The following ARHGEF10L variants were observed in gnomAD, a reference collection of about 807,000 sequenced individuals.
ARHGEF10L encodes the protein Rho guanine nucleotide exchange factor 10 like.
Under a neutral mutation model 141.2 loss-of-function variants are expected in ARHGEF10L, and 69 were observed. The observed-to-expected ratio is 0.49, with a 90% CI of 0.40 to 0.60. The LOEUF is 0.60. Among genes scored for constraint, ARHGEF10L ranks in the 20% least tolerant of loss-of-function variants. The probability of loss-of-function intolerance (pLI) is 0.00; values close to 1 mark genes in which losing one functional copy is unlikely to be tolerated. For missense variants in ARHGEF10L, 1,482 were observed against 1,734.3 expected (o/e 0.85, Z 2.58); for synonymous variants, 711 against 718.5 (o/e 0.99, Z 0.17).
Position 17,592,820 on chromosome 1 carries a change from A to G in ARHGEF10L, c.257+4341A>G, listed in dbSNP as rs541741649. Among the ~76,000 whole-genome samples, 623 of 151,480 alleles carry G rather than the reference A, an allele frequency of 4.1e-3. 1 individual carries two copies. The highest frequency in any genetic ancestry group is 6.9e-3 in the Non-Finnish European group (470 of 67,848). ...TTGAGCCTCCTGCGTCCTGTCCCGC[A>G]GGGTCCATGCGGGACGTGAGGCATG... is the stretch of plus-strand genomic sequence containing the variant. On this transcript the variant is annotated intron_variant, in intron 4 of 28. Transcript: ENST00000361221.
intron 1 of ARHGEF10L, among the ~76,000 whole-genome samples, chr1:17,554,638 C>A (rs2100756519): frequency 2.2e-5 from 3 of 138,946 alleles, no homozygotes; most frequent in Middle Eastern, 8.5e-3. Context: ...CAGGCTGGAA[C>A]ACAGTGGCAT....
At chr1:17,676,184 A>G (rs1263657245) in intron 26 of ARHGEF10L, among the ~76,000 whole-genome samples, 680 of 54,212 alleles carry the variant, frequency 0.013, no homozygotes, top group East Asian at 0.014. Context: ...AGGTGTGGGT[A>G]CAGGTGTAGG....
intron 8 of ARHGEF10L, among the ~76,000 whole-genome samples, chr1:17,613,420 G>C (rs1036935199): frequency 6.6e-6 from 1 of 152,148 alleles, no homozygotes; most frequent in Non-Finnish European, 1.5e-5. Flanking sequence ...GTGAAACCCT[G>C]ATAGTCCACA....
intron 1 of ARHGEF10L, among the ~76,000 whole-genome samples, chr1:17,544,446 C>A (rs544546448): frequency 1.7e-4 from 25 of 151,386 alleles, no homozygotes; most frequent in African/African-American, 6.1e-4. Flanking sequence ...AGGCGTGCAC[C>A]ACTACTCCCG....
Position 17,697,134 on chromosome 1 carries a change from C to T in ARHGEF10L, c.3594C>T (p.Gly1198=), listed in dbSNP as rs909838837. Residue 1198 remains glycine (G), a synonymous_variant, in exon 29 of 29, where the codon GGC becomes GGT. Coordinates refer to ENST00000361221, the MANE Select transcript of ARHGEF10L (RefSeq NM_018125.4). This position sits in a 1 kb window ranked among gnomAD's most constrained non-coding sequence, Gnocchi z 4.8. The part of the protein sequence containing the change: ...LSMREPAPAD[G]AALEHSEEDG... Reference sequence around the variant, plus strand: ...TGCGGGAGCCGGCGCCTGCTGATGGCGCAGCTTTGGAGCACAGCGAGGAGG... The same window carrying T: ...TGCGGGAGCCGGCGCCTGCTGATGGTGCAGCTTTGGAGCACAGCGAGGAGG... The T allele has an allele frequency of 8.7e-6, 14 of 1,611,040 alleles. No homozygotes were observed. The highest frequency in any genetic ancestry group is 1.7e-5 in the Admixed American group (1 of 59,900).
intron 15 of ARHGEF10L, among the ~76,000 whole-genome samples, chr1:17,628,378 A>G (rs532316385): frequency 1.3e-5 from 2 of 152,166 alleles, no homozygotes; most frequent in Non-Finnish European, 2.9e-5. Flanking sequence ...ATGAGTCTGT[A>G]GAGGAGCCTG....
chr1:17,646,775 G>A (rs111675590), intron 21 of ARHGEF10L, among the ~76,000 whole-genome samples: 6 of 152,176 alleles, frequency 3.9e-5, no homozygotes, highest in Middle Eastern at 3.4e-3. Context: ...GCAGCGTTCC[G>A]GACAGCGGGA....
At chr1:17,571,644 CTG>C (rs2078005378) in intron 1 of ARHGEF10L, among the ~76,000 whole-genome samples, 1 of 152,118 alleles carries the variant, frequency 6.6e-6, no homozygotes, top group Non-Finnish European at 1.5e-5. Flanking sequence ...AGTGATTCTC[CTG>C]CCTCAGCCTC....
chr1:17,547,415 G>C (rs771477155), intron 1 of ARHGEF10L, among the ~76,000 whole-genome samples: 1 of 152,200 alleles, frequency 6.6e-6, no homozygotes, highest in Non-Finnish European at 1.5e-5. Flanking sequence ...TGGCCCCAGA[G>C]TGCCCTCCTC....
chr1:17,520,223 AG>A, the ARHGEF10L span, among the ~76,000 whole-genome samples: 1 of 152,132 alleles, frequency 6.6e-6, no homozygotes, highest in South Asian at 2.1e-4. Context: ...GTGGACTGCC[AG>A]GGCTGCCTCC....
upstream of ARHGEF10L, among the ~76,000 whole-genome samples, chr1:17,539,562 G>C (rs887038167): frequency 6.6e-6 from 1 of 151,910 alleles, no homozygotes; most frequent in African/African-American, 2.4e-5. The surrounding 1 kb of genome is among the most constrained non-coding windows in gnomAD (Gnocchi z 6.0). Context: ...GCTCGCAGCG[G>C]GTCGGGGGAG....
In ARHGEF10L at chr1:17,619,253, G is replaced by A. The variant is rs1189357144; in HGVS notation, c.836-86G>A. 2.2e-6 allele frequency: 3 copies of A among 1,365,394 alleles called. No individual in the cohort carries two copies. Among genetic ancestry groups the A allele is most frequent in the Admixed American group, 2.0e-5 (1 of 50,844 alleles). The allele number at this position is 1,365,394 out of a possible 1,614,324, so 84.6% of individuals were successfully genotyped here. On this transcript the variant is annotated intron_variant, in intron 9 of 28. Coordinates refer to ENST00000361221, the MANE Select transcript of ARHGEF10L (RefSeq NM_018125.4). This position sits in a 1 kb window ranked among gnomAD's most constrained non-coding sequence, Gnocchi z 5.0. ...ACCCTAGGACCTGGGTCCAAGGCTG[G>A]TCTAGGGGGGCTCTCAGCTCCTGAG...
intron 7 of ARHGEF10L, among the ~76,000 whole-genome samples, chr1:17,610,217 G>A (rs539986716): frequency 5.3e-5 from 8 of 152,314 alleles, no homozygotes; most frequent in African/African-American, 1.9e-4. Context: ...CTCTGATTCA[G>A]GGGTTGGGTG....
At chr1:17,516,793 C>T in the ARHGEF10L span, among the ~76,000 whole-genome samples, 21 of 152,306 alleles carry the variant, frequency 1.4e-4, no homozygotes, top group Admixed American at 3.3e-4. Flanking sequence ...TCCCCGCCAA[C>T]GAAGAGGTCT....
At chr1:17,677,462 G>A (rs887396520) in intron 26 of ARHGEF10L, among the ~76,000 whole-genome samples, 7 of 152,212 alleles carry the variant, frequency 4.6e-5, no homozygotes, top group African/African-American at 1.7e-4. Flanking sequence ...GATCGGTGCC[G>A]CCCCGGCTCT....
At chr1:17,687,165 G>T (rs2064673037) in intron 26 of ARHGEF10L, among the ~76,000 whole-genome samples, 1 of 152,026 alleles carries the variant, frequency 6.6e-6, no homozygotes, top group Non-Finnish European at 1.5e-5. Context: ...ATGATTTTCG[G>T]CTCCATCTTT....
chr1:17,667,626 G>A (rs2063067380), intron 26 of ARHGEF10L, among the ~76,000 whole-genome samples: 1 of 152,234 alleles, frequency 6.6e-6, no homozygotes, highest in African/African-American at 2.4e-5. Context: ...GGTTTCCAAG[G>A]AAGAATCTTT....
intron 28 of ARHGEF10L, 106 bp from the exon 29 acceptor site, chr1:17,696,742 C>A: frequency 5.1e-6 from 6 of 1,175,872 alleles, no homozygotes; most frequent in East Asian, 5.1e-5. Context: ...ACAGAAGTGA[C>A]CCCCCCAAAT....
In ARHGEF10L at chr1:17,639,891, G is replaced by T; in HGVS notation, c.2172-311G>T. 1.4e-6 allele frequency: 2 copies of T among 1,423,532 alleles called. No individual in the cohort carries two copies. Among genetic ancestry groups the T allele is most frequent in the South Asian group, 1.2e-5 (1 of 82,226 alleles). The allele number at this position is 1,423,532 out of a possible 1,614,324, so 88.2% of individuals were successfully genotyped here. On this transcript the variant is annotated intron_variant, in intron 20 of 28. Coordinates refer to ENST00000361221, the MANE Select transcript of ARHGEF10L (RefSeq NM_018125.4). This position sits in a 1 kb window ranked among gnomAD's most constrained non-coding sequence, Gnocchi z 4.3. ...CTGTGGACAGCTGACCGCTGACCAG[G>T]TGGAGTCACAGCCTGCAGAGGCTCT...
Sources: gnomAD v4.1 joint callset for allele counts (sites outside exome capture counted in the v4.1 genomes callset) on GRCh38, gnomAD v4.1.1 for gene constraint, Gnocchi (gnomAD v3.1) non-coding constraint, MANE v1.5 for transcripts, NCBI Gene and HGNC (gene_info 2026-07-23, HGNC 2026-07-21) for gene names.